CENPP: variants seen among roughly 807,000 people sequenced by gnomAD.
CENPP encodes the protein centromere protein P.
A neutral mutation model predicts 35.6 loss-of-function variants in CENPP; 24 were observed. That is an observed-to-expected ratio of 0.67 (90% CI 0.49 to 0.95). CENPP has a LOEUF of 0.95. Ranked by LOEUF, CENPP falls within the 40% of genes least tolerant of loss-of-function variation. The pLI, the probability that CENPP is intolerant of heterozygous loss-of-function variation, is 0.00. For missense variants in CENPP, 332 were observed against 345.3 expected (o/e 0.96, Z 0.31); for synonymous variants, 120 against 125.5 (o/e 0.96, Z 0.29).
chr9:92,411,030 A>C (rs1163038626), intron 5 of CENPP, among the ~76,000 whole-genome samples: 1 of 151,862 alleles, frequency 6.6e-6, no homozygotes, highest in African/African-American at 2.4e-5. Context: ...GCTGGAGTGC[A>C]GTGGTGCAAT....
intron 5 of CENPP, among the ~76,000 whole-genome samples, chr9:92,387,835 C>T (rs1327466080): frequency 6.6e-6 from 1 of 152,040 alleles, no homozygotes; most frequent in Non-Finnish European, 1.5e-5. Flanking sequence ...ATGATCTGAG[C>T]TCACTGCAAC....
intron 5 of CENPP, chr9:92,417,662 T>G: frequency 1.4e-6 from 1 of 734,646 alleles, no homozygotes; most frequent in Non-Finnish European, 2.2e-6. Flanking sequence ...ATGAAATGTA[T>G]TATACCTATG....
At chr9:92,392,078 A>G (rs918672498) in intron 5 of CENPP, among the ~76,000 whole-genome samples, 1 of 152,018 alleles carries the variant, frequency 6.6e-6, no homozygotes, top group Non-Finnish European at 1.5e-5. Context: ...GAAATTAGTG[A>G]TCTAGGACTG....
At chr9:92,365,554 G>A (rs868535571) in intron 4 of CENPP, among the ~76,000 whole-genome samples, 1 of 151,594 alleles carries the variant, frequency 6.6e-6, no homozygotes, top group African/African-American at 2.4e-5. Context: ...GGGATTACAG[G>A]CATCCACCAC....
intron 5 of CENPP, among the ~76,000 whole-genome samples, chr9:92,429,459 C>A (rs1251803635): frequency 6.6e-6 from 1 of 152,112 alleles, no homozygotes; most frequent in African/African-American, 2.4e-5. Flanking sequence ...GACTGTTATC[C>A]TTAACTCAGC....
At chr9:92,570,706 C>T (rs182796933) in intron 5 of CENPP, among the ~76,000 whole-genome samples, 4 of 152,128 alleles carry the variant, frequency 2.6e-5, no homozygotes, top group African/African-American at 9.7e-5. Context: ...TCCGTCTGGT[C>T]CTGGACTTTT....
At chr9:92,509,852 G>GAA in intron 5 of CENPP, 1 of 1,561,414 alleles carries the variant, frequency 6.4e-7, no homozygotes, top group Non-Finnish European at 8.6e-7. Flanking sequence ...GGACTATATA[G>GAA]GAAAGATTAT....
At chr9:92,531,021 T>C (rs1482060641) in intron 5 of CENPP, among the ~76,000 whole-genome samples, 3 of 152,194 alleles carry the variant, frequency 2.0e-5, no homozygotes, top group Non-Finnish European at 4.4e-5. Context: ...TCTATATTTT[T>C]ATATTTTCAG....
chr9:92,402,233 G>A (rs747413521), intron 5 of CENPP, among the ~76,000 whole-genome samples: 2 of 151,968 alleles, frequency 1.3e-5, no homozygotes, highest in East Asian at 3.9e-4. Flanking sequence ...CCTATCCTTT[G>A]TGTCTTAGTG....
chr9:92,455,461 A>G (rs1844845794), intron 5 of CENPP, among the ~76,000 whole-genome samples: 1 of 152,124 alleles, frequency 6.6e-6, no homozygotes, highest in South Asian at 2.1e-4. Flanking sequence ...TCTAGTGTGT[A>G]GAGACCAGGG....
intron 5 of CENPP, among the ~76,000 whole-genome samples, chr9:92,599,296 T>C (rs1564016660): frequency 1.3e-5 from 2 of 152,132 alleles, no homozygotes; most frequent in Non-Finnish European, 2.9e-5. Context: ...CATCTTAGGC[T>C]TAGGGGCTAA....
chr9:92,598,285 G>A (rs904667404), intron 5 of CENPP, among the ~76,000 whole-genome samples: 1 of 152,198 alleles, frequency 6.6e-6, no homozygotes, highest in Non-Finnish European at 1.5e-5. Context: ...AGTGAAGGAG[G>A]GGAGAAGGTG....
At chr9:92,379,679 T>C (rs999313294) in intron 4 of CENPP, 84 bp from the exon 5 acceptor site, 5 of 1,060,176 alleles carry the variant, frequency 4.7e-6, no homozygotes, top group Non-Finnish European at 7.1e-6. Context: ...TAGTGTAGGA[T>C]ACATGAAAAG....
intron 5 of CENPP, among the ~76,000 whole-genome samples, chr9:92,564,152 C>T (rs1307510750): frequency 6.6e-6 from 1 of 151,940 alleles, no homozygotes; most frequent in African/African-American, 2.4e-5. Flanking sequence ...TTTGGGAGGC[C>T]GAGGTGGGCA....
intron 5 of CENPP, chr9:92,414,533 T>G (rs1843530746): frequency 4.8e-6 from 1 of 209,566 alleles, no homozygotes; most frequent in African/African-American, 2.3e-5. Context: ...ATTAGTTAAT[T>G]TTGTGAATCT....
At chr9:92,403,447 T>C (rs1843202193) in intron 5 of CENPP, 1 of 1,571,138 alleles carries the variant, frequency 6.4e-7, no homozygotes, top group Admixed American at 2.0e-5. Flanking sequence ...AATAAACTAG[T>C]GGCCTGCTGA....
intron 5 of CENPP, among the ~76,000 whole-genome samples, chr9:92,554,557 G>A (rs1054359186): frequency 5.3e-5 from 8 of 152,084 alleles, no homozygotes; most frequent in African/African-American, 1.9e-4. Flanking sequence ...TGCATCCCTG[G>A]TATGAAACCC....
chr9:92,571,140 CT>C lies in CENPP; in HGVS notation c.565-40172del, dbSNP rs1850127543. 2.0e-5 allele frequency among the ~76,000 whole-genome samples: 3 copies of C among 152,120 alleles called. No homozygotes were observed. The South Asian group carries it at 6.2e-4, about 32-fold the overall frequency. On this transcript the variant is annotated intron_variant, in intron 5 of 7. Coordinates refer to ENST00000375587, the MANE Select transcript of CENPP (RefSeq NM_001012267.3). Reference sequence around the variant, plus strand: ...CTGCTAGCTTTTGAATGTGTTTGCTCTTGCTTCTCTAGTTCTTTTAATTGTG... The same window carrying C: ...CTGCTAGCTTTTGAATGTGTTTGCTCTGCTTCTCTAGTTCTTTTAATTGTG...
At chr9:92,578,377 T>G (rs1317714366) in intron 5 of CENPP, among the ~76,000 whole-genome samples, 1 of 152,340 alleles carries the variant, frequency 6.6e-6, no homozygotes, top group East Asian at 1.9e-4. Context: ...ATTGCCACAC[T>G]GACTTCCACA....
Sources: allele counts gnomAD v4.1 joint callset (sites outside exome capture counted in the v4.1 genomes callset), GRCh38; gene constraint gnomAD v4.1.1; transcripts MANE v1.5; gene names NCBI Gene and HGNC (gene_info 2026-07-23, HGNC 2026-07-21).